PRDX6: variants seen among roughly 807,000 people sequenced by gnomAD.
PRDX6 encodes the protein peroxiredoxin-6.
Under a neutral mutation model 20.0 loss-of-function variants are expected in PRDX6, and 13 were observed. That is an observed-to-expected ratio of 0.65 (90% CI 0.42 to 1.03). The LOEUF (loss-of-function observed/expected upper bound fraction) is 1.03, where lower values mean the gene tolerates loss of function less well. Ranked by LOEUF, PRDX6 falls within the 50% of genes least tolerant of loss-of-function variation. The pLI, the probability that PRDX6 is intolerant of heterozygous loss-of-function variation, is 0.00. For missense variants in PRDX6, 203 were observed against 276.9 expected, an observed-to-expected ratio of 0.73 and a Z score of 1.89; for synonymous variants, 85 against 100.8, an observed-to-expected ratio of 0.84 and a Z score of 0.94.
chr1:173,487,070 A>G (rs181609486), intron 4 of PRDX6, among the ~76,000 whole-genome samples: 3 of 152,234 alleles, frequency 2.0e-5, no homozygotes, highest in African/African-American at 7.2e-5. Flanking sequence ...AGTGAATAAT[A>G]GAAAGTCCTT....
chr1:173,478,569 A>C (rs1658747333), intron 1 of PRDX6, among the ~76,000 whole-genome samples: 2 of 151,588 alleles, frequency 1.3e-5, no homozygotes, highest in Admixed American at 6.6e-5. Context: ...CTTAGTTTTC[A>C]TCAGAAGCAT....
At chr1:173,486,524 T>G (rs773570946) in intron 4 of PRDX6, 123 bp downstream of exon 4, 8 of 1,070,048 alleles carry the variant, frequency 7.5e-6, no homozygotes, top group Non-Finnish European at 6.6e-6. Context: ...TTTTTCCTCA[T>G]GGCTGAGTTC....
At chr1:173,485,313 G>C (rs1658878135) in intron 2 of PRDX6, 48 bp from the exon 3 acceptor site, 1 of 1,478,050 alleles carries the variant, frequency 6.8e-7, no homozygotes, top group East Asian at 2.5e-5. Flanking sequence ...GAAATTCAGA[G>C]CATGTGTTGG....
At chr1:173,485,795 G>T (rs557281938) in intron 3 of PRDX6, among the ~76,000 whole-genome samples, 1 of 152,070 alleles carries the variant, frequency 6.6e-6, no homozygotes, top group Non-Finnish European at 1.5e-5. Flanking sequence ...TCTCCTGACC[G>T]CCCTGTCTTT....
rs374933310 is a variant in PRDX6 at position 173,486,063 on chromosome 1, T to G, written c.400-192T>G. Among the ~76,000 whole-genome samples, 6 of 152,352 alleles carry G rather than the reference T, an allele frequency of 3.9e-5. No homozygotes were observed. The South Asian group carries it at 1.2e-3, about 32-fold the overall frequency. ...ACCAAATAGAATTCCCTTCTACGTT[T>G]AGAAAATAACAGGGAGAAGAAAATT... On this transcript the variant is annotated intron_variant, in intron 3 of 4. Transcript: ENST00000340385.
At chr1:173,485,234 A>C (rs1392900980) in intron 2 of PRDX6, 127 bp from the exon 3 acceptor site, 1 of 892,068 alleles carries the variant, frequency 1.1e-6, no homozygotes, top group African/African-American at 1.7e-5. Flanking sequence ...TAAAATTAAA[A>C]TTGCTTAAAG....
At chr1:173,482,946 A>T (rs1281320561) in intron 2 of PRDX6, among the ~76,000 whole-genome samples, 1 of 152,226 alleles carries the variant, frequency 6.6e-6, no homozygotes, top group East Asian at 1.9e-4. Context: ...CCCAATGGCA[A>T]TGAGATTTCA....
Position 173,487,965 on chromosome 1 carries a change from G to A in PRDX6, c.*102G>A. ...CACATCCTGGTGTCATCACAGCCAAGGTTTTTAGGTTGCTATACCAATGGC... is the reference window on the plus strand; with the variant it reads ...CACATCCTGGTGTCATCACAGCCAAAGTTTTTAGGTTGCTATACCAATGGC... On this transcript the variant is annotated 3_prime_UTR_variant, in exon 5 of 5. Coordinates refer to ENST00000340385, the MANE Select transcript of PRDX6 (RefSeq NM_004905.3). 1 of 1,441,930 alleles carries A rather than the reference G, an allele frequency of 6.9e-7. No homozygotes were observed. The highest frequency in any genetic ancestry group is 1.3e-5 in the South Asian group (1 of 76,284). The allele number at this position is 1,441,930 out of a possible 1,614,324, so 89.3% of individuals were successfully genotyped here. A position where few individuals can be genotyped will look rare whatever the true frequency, so the allele number is the denominator to read the frequency against.
rs1380651586 is a variant in PRDX6 at position 173,481,455 on chromosome 1, T to C, written c.225T>C (p.Ser75=). ...NVKLIALSID[S]VEDHLAWSKD... The stretch of plus-strand genomic sequence containing the variant: ...AGTTGATTGCCCTTTCAATAGACAG[T>C]GTTGAGGACCATCTTGCCTGGAGCA... The change falls in exon 2 of 5, where the codon AGT becomes AGC. Residue 75 remains serine, a synonymous_variant. Transcript: ENST00000340385. The C allele has an allele frequency of 6.2e-7, 1 of 1,614,162 alleles. No individual in the cohort carries two copies. Among genetic ancestry groups the C allele is most frequent in the African/African-American group, 1.3e-5 (1 of 75,054 alleles).
chr1:173,485,471 G>C lies in PRDX6; in HGVS notation c.363G>C (p.Glu121Asp). The C allele has an allele frequency of 6.2e-7, 1 of 1,608,608 alleles. No homozygotes were observed. The highest frequency in any genetic ancestry group is 8.5e-7 in the Non-Finnish European group (1 of 1,177,322). The change falls in exon 3 of 5, where the codon GAG becomes GAC. Residue 121 changes from glutamate (E) to aspartate (D), a missense_variant. Glu to Asp is a conservative substitution (Grantham distance 45, BLOSUM62 2). Coordinates refer to ENST00000340385, the MANE Select transcript of PRDX6 (RefSeq NM_004905.3). ...AILLGMLDPA[E>D]KDEKGMPVTA... is the part of the protein sequence containing the mutation. ...TGTTGGGCATGCTGGATCCAGCAGA[G>C]AAGGATGAAAAGGGCATGCCTGTGA...
chr1:173,479,356 A>G (rs9425723), intron 1 of PRDX6, among the ~76,000 whole-genome samples: 58,099 of 151,746 alleles, frequency 0.38, 14,597 homozygotes, highest in African/African-American at 0.71. Context: ...ATATGTTTAT[A>G]ACACATGGAT....
chr1:173,477,384 T>A lies in PRDX6; in HGVS notation c.-14T>A, dbSNP rs377554730. 5.7e-6 allele frequency: 9 copies of A among 1,574,356 alleles called. No homozygotes were observed. The East Asian group carries it at 1.2e-4, about 21-fold the overall frequency. ...TGCTTGCTGTCCCAGCGGCGCCCCC[T>A]CATCACCGTCGCCATGCCCGGAGGT... On this transcript the variant is annotated 5_prime_UTR_variant, in exon 1 of 5. Coordinates refer to ENST00000340385, the MANE Select transcript of PRDX6 (RefSeq NM_004905.3).
chr1:173,481,075 A>G (rs887192630), intron 1 of PRDX6: 9 of 449,210 alleles, frequency 2.0e-5, no homozygotes, highest in African/African-American at 1.8e-4. Context: ...ACACCTTAAC[A>G]TTAGTCTTTT....
intron 2 of PRDX6, among the ~76,000 whole-genome samples, chr1:173,483,187 G>A (rs1157610784): frequency 2.0e-5 from 3 of 152,202 alleles, no homozygotes; most frequent in Non-Finnish European, 4.4e-5. Context: ...TTAAAGGACA[G>A]ACGCATACTC....
intron 2 of PRDX6, among the ~76,000 whole-genome samples, chr1:173,484,681 GAAGTGTA>G (rs749154174): frequency 3.2e-4 from 49 of 152,224 alleles, no homozygotes; most frequent in Non-Finnish European, 6.0e-4. Flanking sequence ...GGGAAGGAGG[GAAGTGTA>G]TCATTTTTCT....
intron 2 of PRDX6, among the ~76,000 whole-genome samples, chr1:173,484,138 T>TATATATATATTTA (rs1269688818): frequency 1.2e-5 from 1 of 86,930 alleles, no homozygotes; most frequent in East Asian, 3.6e-4. Flanking sequence ...AAAAAAAAAA[T>TATATATATATTTA]TAGATATATA....
rs995725603 is a variant in PRDX6 at position 173,488,130 on chromosome 1, A to G, written c.*267A>G. The G allele has an allele frequency of 5.3e-6, 2 of 376,156 alleles. No individual in the cohort carries two copies. Among genetic ancestry groups the G allele is most frequent in the Non-Finnish European group, 9.7e-6 (2 of 205,868 alleles). 23.3% of individuals were successfully genotyped at this position (376,156 alleles called of 1,614,324 possible). ...GTATTTAAAACTCAAATCTTGTTGG[A>G]TCTCTGCAGGGCTTGTGACCAATGA... On this transcript the variant is annotated 3_prime_UTR_variant, in exon 5 of 5. Transcript: ENST00000340385.
In PRDX6 at chr1:173,488,271, G is replaced by A. The variant is rs2101861026; in HGVS notation, c.*408G>A. On this transcript the variant is annotated 3_prime_UTR_variant, in exon 5 of 5. Coordinates refer to ENST00000340385, the MANE Select transcript of PRDX6 (RefSeq NM_004905.3). ...CTGTCACCCATTTTGAAGAGTGGCA[G>A]AACTTGAAGTTCAACTTCCTCTGTA... is the stretch of plus-strand genomic sequence containing the variant. 6.4e-6 allele frequency: 1 copy of A among 155,748 alleles called. No individual in the cohort carries two copies. Among genetic ancestry groups the A allele is most frequent in the East Asian group, 1.9e-4 (1 of 5,306 alleles). 9.6% of individuals were successfully genotyped at this position (155,748 alleles called of 1,614,324 possible). A position where few individuals can be genotyped will look rare whatever the true frequency, so the allele number is the denominator to read the frequency against.
chr1:173,481,248 G>A, intron 1 of PRDX6, 78 bp from the exon 2 acceptor site: 3 of 1,372,040 alleles, frequency 2.2e-6, no homozygotes, highest in Non-Finnish European at 3.0e-6. Context: ...TTTTGATCCA[G>A]AAGTTGTGAC....
Sources: allele counts gnomAD v4.1 joint callset (sites outside exome capture counted in the v4.1 genomes callset), GRCh38; gene constraint gnomAD v4.1.1; transcripts MANE v1.5; gene names NCBI Gene and HGNC (gene_info 2026-07-23, HGNC 2026-07-21).